The following RAB32 variants were observed in gnomAD, a reference collection of about 807,000 sequenced individuals.
RAB32 encodes RAB32, member RAS oncogene family, also known as ras-related protein Rab-32.
Under a neutral mutation model 17.5 loss-of-function variants are expected in RAB32, and 17 were observed. That is an observed-to-expected ratio of 0.97 (90% CI 0.67 to 1.46). RAB32 has a LOEUF of 1.46. RAB32 is among the 40% of genes most tolerant of loss of function. RAB32 has a pLI of 0.00. For synonymous variants in RAB32, 115 were observed against 111.1 expected (o/e 1.04, Z -0.22); for missense variants, 288 against 284.3 (o/e 1.01, Z -0.09).
intron 1 of RAB32, among the ~76,000 whole-genome samples, chr6:146,548,945 A>G (rs547803449): frequency 1.3e-5 from 2 of 152,326 alleles, no homozygotes; most frequent in African/African-American, 4.8e-5. Flanking sequence ...GAAATCTTGC[A>G]TATTGAGTCA....
At chr6:146,546,751 T>TAAGTTAAG (rs1470251725) in intron 1 of RAB32, among the ~76,000 whole-genome samples, 1 of 150,608 alleles carries the variant, frequency 6.6e-6, no homozygotes, top group Non-Finnish European at 1.5e-5. Flanking sequence ...TTGCCATAAC[T>TAAGTTAAG]AAGTTAAGGT....
chr6:146,552,326 A>G (rs1779906232), intron 2 of RAB32, among the ~76,000 whole-genome samples: 1 of 152,184 alleles, frequency 6.6e-6, no homozygotes, highest in East Asian at 1.9e-4. Context: ...CAAAAGATCA[A>G]TACTTGAATT....
intron 1 of RAB32, among the ~76,000 whole-genome samples, chr6:146,544,414 T>C (rs1235901132): frequency 1.3e-5 from 2 of 152,060 alleles, no homozygotes; most frequent in African/African-American, 4.8e-5. Context: ...CTCTGAATAA[T>C]GCAAGTATAT....
At chr6:146,551,189 T>C (rs1281754833) in intron 2 of RAB32, among the ~76,000 whole-genome samples, 1 of 152,192 alleles carries the variant, frequency 6.6e-6, no homozygotes, top group South Asian at 2.1e-4. Context: ...TAGAGGCTAA[T>C]TGTTTGAATA....
chr6:146,545,885 C>A (rs1779813138), intron 1 of RAB32, among the ~76,000 whole-genome samples: 1 of 152,166 alleles, frequency 6.6e-6, no homozygotes, highest in African/African-American at 2.4e-5. Flanking sequence ...GTTTTAAAAC[C>A]TTGCTTACAA....
chr6:146,547,415 G>A (rs1005057849), intron 1 of RAB32, among the ~76,000 whole-genome samples: 1 of 152,010 alleles, frequency 6.6e-6, no homozygotes, highest in Non-Finnish European at 1.5e-5. Context: ...AAATCTGAAT[G>A]AGTAACTCTC....
Position 146,544,000 on chromosome 6 carries a change from G to A in RAB32, c.129G>A (p.Lys43=), listed in dbSNP as rs758558242. The change falls in exon 1 of 3, where the codon AAG becomes AAA. Residue 43 remains lysine (K), a synonymous_variant. Coordinates refer to ENST00000367495, the MANE Select transcript of RAB32 (RefSeq NM_006834.5). The stretch of plus-strand genomic sequence containing the variant: ...GCGTGGGCAAGACCAGCATCATCAA[G>A]CGCTACGTCCACCAGCTCTTCTCCC... ...ELGVGKTSII[K]RYVHQLFSQH... 6.2e-7 allele frequency: 1 copy of A among 1,613,798 alleles called. No individual in the cohort carries two copies. The highest frequency in any genetic ancestry group is 1.3e-5 in the African/African-American group (1 of 75,032).
chr6:146,554,627 G>A lies in RAB32; in HGVS notation c.*22G>A. The A allele has an allele frequency of 6.2e-7, 1 of 1,602,074 alleles. No homozygotes were observed. The highest frequency in any genetic ancestry group is 2.2e-5 in the East Asian group (1 of 44,716). On this transcript the variant is annotated 3_prime_UTR_variant, in exon 3 of 3. Coordinates refer to ENST00000367495, the MANE Select transcript of RAB32 (RefSeq NM_006834.5). ...CTGATATATGGCTTCTGCTTCTCTT[G>A]TGTGTGCCTCAGCTCTGAAGAAGTT...
chr6:146,551,827 G>A (rs1473092222), intron 2 of RAB32, among the ~76,000 whole-genome samples: 1 of 152,158 alleles, frequency 6.6e-6, no homozygotes, highest in African/African-American at 2.4e-5. Flanking sequence ...AAGGTGAAAC[G>A]CTGGTTAAGA....
At position 146,554,904 on chromosome 6, in the gene RAB32, G is replaced by A; in HGVS notation, c.*299G>A. The stretch of plus-strand genomic sequence containing the variant: ...CCTCAGGATTTGGTAAGGCTTCCAA[G>A]TTGTAGCTTTTAGTGTAAGTGCTGG... On this transcript the variant is annotated 3_prime_UTR_variant, in exon 3 of 3. Coordinates refer to ENST00000367495, the MANE Select transcript of RAB32 (RefSeq NM_006834.5). The A allele has an allele frequency of 4.5e-6, 1 of 222,164 alleles. No homozygotes were observed. The highest frequency in any genetic ancestry group is 9.4e-5 in the East Asian group (1 of 10,600). The allele number at this position is 222,164 out of a possible 1,614,324, so 13.8% of individuals were successfully genotyped here.
intron 1 of RAB32, among the ~76,000 whole-genome samples, chr6:146,547,032 C>A (rs1286309322): frequency 6.6e-6 from 1 of 152,058 alleles, no homozygotes; most frequent in Non-Finnish European, 1.5e-5. Flanking sequence ...CAGTTTAGTG[C>A]AGTTTTTGTG....
intron 2 of RAB32, among the ~76,000 whole-genome samples, 155 bp from the exon 3 acceptor site, chr6:146,554,293 TAACATTCA>T (rs1779931782): frequency 6.6e-6 from 1 of 152,202 alleles, no homozygotes; most frequent in South Asian, 2.1e-4. Context: ...CATTATTCTT[TAACATTCA>T]ACTCTAAGTG....
At chr6:146,548,244 G>C (rs911156268) in intron 1 of RAB32, among the ~76,000 whole-genome samples, 1 of 151,996 alleles carries the variant, frequency 6.6e-6, no homozygotes, top group Admixed American at 6.5e-5. Flanking sequence ...CATATGAGGA[G>C]TCATCACAAA....
rs773889414 is a variant in RAB32, at chr6:146,543,943, C to T, written c.72C>T (p.His24=). 1.9e-5 allele frequency: 31 copies of T among 1,611,814 alleles called. No individual in the cohort carries two copies. The highest frequency in any genetic ancestry group is 7.7e-5 in the South Asian group (7 of 91,034). Residue 24 remains histidine, a synonymous_variant, in exon 1 of 3, where the codon CAC becomes CAT. Transcript: ENST00000367495. ...AAAPAPETRE[H]LFKVLVIGEL... is the part of the protein sequence containing the mutation. ...CCCCAGCGCCCGAGACCCGCGAGCA[C>T]CTCTTCAAGGTGCTGGTGATCGGCG...
Position 146,545,115 on chromosome 6 carries a change from A to G in RAB32, c.250+994A>G, listed in dbSNP as rs76818181. 5.0e-3 allele frequency among the ~76,000 whole-genome samples: 766 copies of G among 151,706 alleles called. 2 individuals carry two copies. The highest frequency in any genetic ancestry group is 7.4e-3 in the Non-Finnish European group (503 of 67,814). The stretch of plus-strand genomic sequence containing the variant: ...ATACATATATACATACATACATACA[A>G]AAAATTAGACAAGTGTGGTCGTGCG... On this transcript the variant is annotated intron_variant, in intron 1 of 2. Coordinates refer to ENST00000367495, the MANE Select transcript of RAB32 (RefSeq NM_006834.5).
intron 1 of RAB32, among the ~76,000 whole-genome samples, chr6:146,547,185 T>C (rs78944165): frequency 7.0e-4 from 107 of 152,312 alleles, no homozygotes; most frequent in African/African-American, 2.5e-3. Context: ...GCAAGAGATG[T>C]CTCTGATCTT....
chr6:146,548,334 T>G (rs1418405041), intron 1 of RAB32, among the ~76,000 whole-genome samples: 1 of 152,210 alleles, frequency 6.6e-6, no homozygotes, highest in Non-Finnish European at 1.5e-5. Context: ...TATATAAAAT[T>G]ATATTGCATT....
At chr6:146,546,077 T>G (rs932955560) in intron 1 of RAB32, among the ~76,000 whole-genome samples, 2 of 152,174 alleles carry the variant, frequency 1.3e-5, no homozygotes, top group Non-Finnish European at 2.9e-5. Context: ...CACCTCTTCT[T>G]TTTTTATTAA....
chr6:146,547,602 A>G (rs1405876050), intron 1 of RAB32, among the ~76,000 whole-genome samples: 1 of 151,818 alleles, frequency 6.6e-6, no homozygotes, highest in South Asian at 2.1e-4. Flanking sequence ...GCCTTGCTGC[A>G]TCTTATACTT....
Sources: allele counts gnomAD v4.1 joint callset (sites outside exome capture counted in the v4.1 genomes callset), GRCh38; gene constraint gnomAD v4.1.1; transcripts MANE v1.5; gene names NCBI Gene and HGNC (gene_info 2026-07-23, HGNC 2026-07-21).